VWF: variants seen among roughly 807,000 people sequenced by gnomAD.
VWF encodes the protein von Willebrand factor.
In VWF, 176 loss-of-function variants were observed where a neutral mutation model predicts 308.6. That is an observed-to-expected ratio of 0.57 (90% confidence interval 0.50 to 0.65). The LOEUF is 0.65. VWF is among the 30% of genes least tolerant of loss of function. The probability of loss-of-function intolerance (pLI) is 0.00; values close to 1 mark genes in which losing one functional copy is unlikely to be tolerated. For missense variants in VWF, 3,146 were observed against 3,648.2 expected, an observed-to-expected ratio of 0.86 and a Z score of 3.55; for synonymous variants, 1,385 against 1,443.4, an observed-to-expected ratio of 0.96 and a Z score of 0.92.
At chr12:6,045,209 G>A (rs1944435540) in intron 17 of VWF, among the ~76,000 whole-genome samples, 1 of 152,228 alleles carries the variant, frequency 6.6e-6, no homozygotes, top group Non-Finnish European at 1.5e-5. Flanking sequence ...GACAGCAGAT[G>A]ACTGATACAG....
intron 3 of VWF, among the ~76,000 whole-genome samples, chr12:6,112,535 G>A (rs1267106588): frequency 1.3e-5 from 2 of 152,192 alleles, no homozygotes; most frequent in African/African-American, 2.4e-5. Context: ...TTGAGGTCCT[G>A]AAGGAATGGG....
At chr12:5,968,282 G>A (rs370644316) in intron 45 of VWF, 115 bp from the exon 46 acceptor site, 110 of 1,325,240 alleles carry the variant, frequency 8.3e-5, no homozygotes, top group East Asian at 2.5e-4. Flanking sequence ...CTCCTGTATC[G>A]GTCGGCCCTT....
intron 8 of VWF, 88 bp downstream of exon 8, chr12:6,073,531 G>C: frequency 6.3e-7 from 1 of 1,584,198 alleles, no homozygotes; most frequent in Non-Finnish European, 8.6e-7. Flanking sequence ...GCAACGGGGA[G>C]CAAACACAAG....
Position 6,018,951 on chromosome 12 carries a change from C to G in VWF, c.4467G>C (p.Gly1489=). 2 of 1,613,920 alleles carry G rather than the reference C, an allele frequency of 1.2e-6. No individual in the cohort carries two copies. The highest frequency in any genetic ancestry group is 2.2e-5 in the South Asian group (2 of 91,070). The part of the protein sequence containing the change: ...GPGLLGVSTL[G]PKRNSMVLDV... ...CCAGAACCATGGAGTTCCTCTTGGG[C>G]CCCAGGGTCGAAACCCCCAAGAGCC... Residue 1489 remains glycine (G), a synonymous_variant, in exon 28 of 52, where the codon GGG becomes GGC. Coordinates refer to ENST00000261405, the MANE Select transcript of VWF (RefSeq NM_000552.5).
At position 6,019,625 on chromosome 12, in the gene VWF, G is replaced by A. The variant is rs1430039021; in HGVS notation, c.3793C>T (p.Pro1265Ser). The A allele has an allele frequency of 1.9e-6, 3 of 1,613,962 alleles. No homozygotes were observed. Among genetic ancestry groups the A allele is most frequent in the South Asian group, 1.1e-5 (1 of 91,076 alleles). The change falls in exon 28 of 52, where the codon CCG becomes TCG. Residue 1265 changes from proline to serine, a missense_variant. Physicochemically the swap from Pro to Ser is moderately conservative, Grantham distance 74 (BLOSUM62 -1). Transcript: ENST00000261405. The surrounding 1 kb of genome is among the most constrained non-coding windows in gnomAD (Gnocchi z 5.8). ...CTGCAGTAGAAATCGTGCAACGGCG[G>A]TTCCGAGATGTCCTCCACATACAGA... ...TTLYVEDISE[P>S]PLHDFYCSRL...
At chr12:6,123,348 G>A (rs963432159) in intron 1 of VWF, 152 bp from the exon 2 acceptor site, 7 of 969,120 alleles carry the variant, frequency 7.2e-6, no homozygotes, top group Non-Finnish European at 3.2e-6. Flanking sequence ...TTTGAACATG[G>A]ACTTCTGGCC....
chr12:6,055,095 A>C (rs2136452232), intron 15 of VWF, among the ~76,000 whole-genome samples: 1 of 152,318 alleles, frequency 6.6e-6, no homozygotes, highest in East Asian at 1.9e-4. Context: ...GAGTCAAGAC[A>C]TTCTTTAACT....
chr12:5,983,553 TAGAGG>T (rs1943636145), intron 40 of VWF, among the ~76,000 whole-genome samples: 1 of 151,482 alleles, frequency 6.6e-6, no homozygotes, highest in African/African-American at 2.4e-5. Flanking sequence ...GGATGATAGA[TAGAGG>T]ATAGATGATA....
rs765299984 is a variant in VWF at position 5,953,560 on chromosome 12, C to T, written c.7922G>A (p.Cys2641Tyr). 1.9e-6 allele frequency: 3 copies of T among 1,614,084 alleles called. No individual in the cohort carries two copies. The South Asian group carries it at 3.3e-5, about 18-fold the overall frequency. The stretch of plus-strand genomic sequence containing the variant: ...GCAAGCCGTAGGCAAACATCTCCCA[C>T]AACATTCACCTGTGTTATTTTCTTC... ...YKEENNTGECCGRCLPTACTI... is the reference protein window; with the variant it reads ...YKEENNTGECYGRCLPTACTI... The change falls in exon 48 of 52, where the codon TGT (cysteine) becomes TAT (tyrosine). Residue 2641 changes from cysteine (C) to tyrosine (Y), a missense_variant. Cys to Tyr is a radical substitution (Grantham distance 194). Transcript: ENST00000261405.
intron 3 of VWF, among the ~76,000 whole-genome samples, chr12:6,114,989 G>C (rs1014493182): frequency 6.6e-6 from 1 of 152,216 alleles, no homozygotes; most frequent in Non-Finnish European, 1.5e-5. Context: ...GAGGGGGCTT[G>C]AAGAGCAGTC....
intron 20 of VWF, among the ~76,000 whole-genome samples, chr12:6,033,155 G>A (rs1591873411): frequency 1.3e-5 from 2 of 152,236 alleles, no homozygotes; most frequent in African/African-American, 4.8e-5. Context: ...GTGTTAGGTC[G>A]ATGCATGGCG....
chr12:6,062,495 C>T (rs1012646958), intron 13 of VWF, among the ~76,000 whole-genome samples: 1 of 151,946 alleles, frequency 6.6e-6, no homozygotes, highest in East Asian at 1.9e-4. Context: ...GAGGAAGTGG[C>T]CCACACATGC....
intron 6 of VWF, among the ~76,000 whole-genome samples, chr12:6,076,894 C>T (rs575108677): frequency 1.3e-5 from 2 of 152,312 alleles, no homozygotes; most frequent in African/African-American, 4.8e-5. Flanking sequence ...ATCTGCTCAC[C>T]GTTCTCGAAA....
chr12:6,121,461 A>AT, intron 2 of VWF, 123 bp from the exon 3 acceptor site: 1 of 1,230,990 alleles, frequency 8.1e-7, no homozygotes. Context: ...GTGGGGAGGT[A>AT]TTTTCCATCC....
intron 14 of VWF, among the ~76,000 whole-genome samples, chr12:6,057,331 G>T (rs79864660): frequency 0.077 from 9,398 of 122,530 alleles, 416 homozygotes; most frequent in African/African-American, 0.16. Context: ...TTTTTTTTTG[G>T]AGAGACACGG....
chr12:6,110,743 T>G, intron 4 of VWF, 123 bp downstream of exon 4: 1 of 1,314,418 alleles, frequency 7.6e-7, no homozygotes, highest in Non-Finnish European at 1.1e-6. Context: ...CACCCAGCCC[T>G]GCTACTCACT....
intron 45 of VWF, 123 bp from the exon 46 acceptor site, chr12:5,968,290 CT>C (rs1011474733): frequency 4.1e-6 from 5 of 1,230,832 alleles, no homozygotes; most frequent in African/African-American, 3.0e-5. Flanking sequence ...TCGGTCGGCC[CT>C]TTCCCCCCAC....
intron 15 of VWF, among the ~76,000 whole-genome samples, chr12:6,053,053 G>A (rs1475355142): frequency 2.0e-5 from 3 of 152,166 alleles, no homozygotes; most frequent in Non-Finnish European, 4.4e-5. Context: ...TTTTCAGCAT[G>A]CAGATATGTA....
At chr12:5,960,201 CAGATATTAAAAGTATA>C (rs1164428125) in intron 47 of VWF, among the ~76,000 whole-genome samples, 2 of 151,440 alleles carry the variant, frequency 1.3e-5, no homozygotes, top group Admixed American at 6.6e-5. Context: ...ACAGATTCCA[CAGATATTAAAAGTATA>C]ATAAGGAAAT....
Sources: allele counts gnomAD v4.1 joint callset (sites outside exome capture counted in the v4.1 genomes callset), GRCh38; gene constraint gnomAD v4.1.1; non-coding constraint Gnocchi (gnomAD v3.1); transcripts MANE v1.5; gene names NCBI Gene and HGNC (gene_info 2026-07-23, HGNC 2026-07-21).